SLC4A4: variants seen among roughly 807,000 people sequenced by gnomAD.
SLC4A4 encodes solute carrier family 4 member 4.
SLC4A4 carries 27 observed loss-of-function variants against 111.5 expected under a neutral mutation model. The observed-to-expected ratio is 0.24, with a 90% CI of 0.18 to 0.33. The LOEUF (loss-of-function observed/expected upper bound fraction) is 0.33. SLC4A4 is among the 10% of genes least tolerant of loss of function. SLC4A4 has a pLI of 1.00. For synonymous variants in SLC4A4, 443 were observed against 463.4 expected, an observed-to-expected ratio of 0.96 and a Z score of 0.57; for missense variants, 909 against 1,315.5, an observed-to-expected ratio of 0.69 and a Z score of 4.78.
intron 3 of SLC4A4, among the ~76,000 whole-genome samples, chr4:71,333,238 C>T (rs771048003): frequency 9.8e-5 from 15 of 152,318 alleles, no homozygotes; most frequent in East Asian, 5.8e-4. Flanking sequence ...GCCATGTCTG[C>T]GTTAGGCAGC....
chr4:71,503,355 A>G (rs1238627047), intron 16 of SLC4A4, among the ~76,000 whole-genome samples: 1 of 151,522 alleles, frequency 6.6e-6, no homozygotes, highest in African/African-American at 2.4e-5. Flanking sequence ...CATTTTGTTA[A>G]TTGTACTTTA....
rs1578766247 is a variant in SLC4A4 at position 71,291,578 on chromosome 4, T to C, written c.253+36179T>C. ...TCTCAGCCTCCCGATTAGCAAGGAC[T>C]ACAGGCATACACCACCACAGCTGGC... On this transcript the variant is annotated intron_variant, in intron 3 of 25. Transcript: ENST00000264485. 2.0e-5 allele frequency among the ~76,000 whole-genome samples: 3 copies of C among 152,234 alleles called. No individual in the cohort carries two copies. In the South Asian group the frequency reaches 6.2e-4, roughly 32 times the overall value.
intron 2 of SLC4A4, among the ~76,000 whole-genome samples, chr4:71,163,062 G>A (rs943337897): frequency 2.0e-5 from 3 of 152,196 alleles, no homozygotes; most frequent in African/African-American, 7.2e-5. Flanking sequence ...AAAGTGATTG[G>A]TTGCACAAAC....
intron 13 of SLC4A4, among the ~76,000 whole-genome samples, chr4:71,467,008 C>T (rs994168576): frequency 4.6e-5 from 7 of 151,182 alleles, no homozygotes; most frequent in Non-Finnish European, 8.8e-5. Context: ...TTCCCCAGCT[C>T]ACCGTCTTTG....
chr4:71,539,382 T>A (rs1390765101), intron 18 of SLC4A4, among the ~76,000 whole-genome samples: 1 of 152,084 alleles, frequency 6.6e-6, no homozygotes, highest in African/African-American at 2.4e-5. Context: ...CTTCCATTTG[T>A]CCTAGCCTGG....
chr4:71,488,324 C>T (rs755884566), intron 15 of SLC4A4, among the ~76,000 whole-genome samples: 5 of 151,290 alleles, frequency 3.3e-5, no homozygotes, highest in South Asian at 4.1e-4. Context: ...TAAGCCCTGT[C>T]GTTGGGAAGT....
In SLC4A4 at chr4:71,439,789, A is replaced by G. The variant is rs115978840; in HGVS notation, c.808-827A>G. Among the ~76,000 whole-genome samples, 320 of 151,588 alleles carry G rather than the reference A, an allele frequency of 2.1e-3. 1 individual carries two copies. Among genetic ancestry groups the G allele is most frequent in the African/African-American group, 7.4e-3 (307 of 41,304 alleles). On this transcript the variant is annotated intron_variant, in intron 7 of 25. Transcript: ENST00000264485. ...TACTGTTTACATGGTGATGTCTCTC[A>G]AATTTACGTCTTCCCTCTCCGTCTT...
intron 2 of SLC4A4, among the ~76,000 whole-genome samples, chr4:71,139,035 C>CAAAA (rs5859250): frequency 1.8e-3 from 75 of 42,772 alleles, no homozygotes; most frequent in African/African-American, 4.2e-3. Context: ...GACTCCGTCT[C>CAAAA]AAAAAAAAAA....
chr4:71,451,885 A>G (rs1368267563), intron 11 of SLC4A4, among the ~76,000 whole-genome samples: 1 of 152,206 alleles, frequency 6.6e-6, no homozygotes, highest in Non-Finnish European at 1.5e-5. Context: ...TGTGTATTCA[A>G]CAGTGAGTAG....
intron 2 of SLC4A4, among the ~76,000 whole-genome samples, chr4:71,178,706 C>T (rs559712363): frequency 2.4e-4 from 37 of 152,172 alleles, no homozygotes; most frequent in Non-Finnish European, 4.3e-4. Context: ...AATTGAGGCA[C>T]TAATTAATAG....
At chr4:71,094,051 TC>T (rs1014129601) in intron 2 of SLC4A4, among the ~76,000 whole-genome samples, 1 of 152,168 alleles carries the variant, frequency 6.6e-6, no homozygotes, top group Non-Finnish European at 1.5e-5. Flanking sequence ...GGTAACCCTG[TC>T]CTCTGTGGGA....
rs997726918 is a variant in SLC4A4 at position 71,281,046 on chromosome 4, C to G, written c.253+25647C>G. Among the ~76,000 whole-genome samples, 3 of 152,038 alleles carry G rather than the reference C, an allele frequency of 2.0e-5. No individual in the cohort carries two copies. The East Asian group carries it at 5.8e-4, about 29-fold the overall frequency. ...TATATTTGATACTTTTTTTGAGCAG[C>G]TGAATCTTTACATAAGTGAGAGTTA... On this transcript the variant is annotated intron_variant, in intron 3 of 25. Coordinates refer to ENST00000264485, the MANE Select transcript of SLC4A4 (RefSeq NM_001098484.3).
chr4:71,082,896 C>T (rs1009289355), intron 1 of SLC4A4, among the ~76,000 whole-genome samples: 7 of 151,610 alleles, frequency 4.6e-5, no homozygotes, highest in Non-Finnish European at 1.0e-4. Context: ...CTCTGTCACC[C>T]AGACTGGAGT....
At position 71,563,803 on chromosome 4, in the gene SLC4A4, C is replaced by T. The variant is rs1172176959; in HGVS notation, c.3110C>T (p.Pro1037Leu). 6.2e-7 allele frequency: 1 copy of T among 1,603,944 alleles called. No individual in the cohort carries two copies. The highest frequency in any genetic ancestry group is 2.2e-5 in the East Asian group (1 of 44,700). Reference protein sequence around the residue: ...LDSDNDDSDCPYSEKVPSIKI... With the variant: ...LDSDNDDSDCLYSEKVPSIKI... ...ACATTTTTTTCACAGTCTGACTGCC[C>T]ATACTCAGAAAAAGTTCCAAGTATT... The change falls in exon 24 of 26, where the codon CCA becomes CTA. Residue 1037 changes from proline to leucine, a missense_variant. By Grantham distance (98) the Pro-to-Leu change is moderately conservative. This residue lies in a region of SLC4A4 where 85 missense variants were observed against 79.8 expected (regional missense o/e 1.07). Transcript: ENST00000264485.
chr4:71,422,413 G>A lies in SLC4A4; in HGVS notation c.808-18203G>A, dbSNP rs1282397017. Among the ~76,000 whole-genome samples the A allele has an allele frequency of 4.7e-5, 7 of 148,886 alleles. No homozygotes were observed. In the East Asian group the frequency reaches 1.2e-3, roughly 25 times the overall value. The stretch of plus-strand genomic sequence containing the variant: ...AGCCGAATTCTACCAGAGGTACAAG[G>A]AGGAGCTGGTACCATTCCTTCTGAA... On this transcript the variant is annotated intron_variant, in intron 7 of 25. Coordinates refer to ENST00000264485, the MANE Select transcript of SLC4A4 (RefSeq NM_001098484.3).
At chr4:71,123,192 A>G (rs1400519133) in intron 2 of SLC4A4, among the ~76,000 whole-genome samples, 1 of 152,202 alleles carries the variant, frequency 6.6e-6, no homozygotes, top group East Asian at 1.9e-4. Context: ...GAAGAGAGAA[A>G]GCAAATGGAG....
At chr4:71,290,401 G>A (rs1724247444) in intron 3 of SLC4A4, among the ~76,000 whole-genome samples, 1 of 152,158 alleles carries the variant, frequency 6.6e-6, no homozygotes, top group South Asian at 2.1e-4. Context: ...AGAACACCCA[G>A]GGAAACCATG....
intron 17 of SLC4A4, among the ~76,000 whole-genome samples, chr4:71,533,187 A>C (rs1178888508): frequency 6.6e-6 from 1 of 152,192 alleles, no homozygotes; most frequent in Non-Finnish European, 1.5e-5. Flanking sequence ...TGTCTCTGCT[A>C]TCACATATTC....
chr4:71,405,705 A>G (rs576164581), intron 7 of SLC4A4, among the ~76,000 whole-genome samples: 10 of 152,304 alleles, frequency 6.6e-5, no homozygotes, highest in Non-Finnish European at 1.3e-4. Context: ...TCCACTGCTA[A>G]GATACTATTT....
Sources: allele counts gnomAD v4.1 joint callset (sites outside exome capture counted in the v4.1 genomes callset), GRCh38; gene constraint gnomAD v4.1.1; regional missense constraint gnomAD v4.1.1; transcripts MANE v1.5; gene names NCBI Gene and HGNC (gene_info 2026-07-23, HGNC 2026-07-21).